The following STPG2 variants were observed in gnomAD, a reference collection of about 807,000 sequenced individuals.
STPG2 encodes the protein sperm-tail PG-rich repeat-containing protein 2.
A neutral mutation model predicts 54.2 loss-of-function variants in STPG2; 56 were observed. The ratio of observed to expected loss-of-function variants is 1.03; its 90% CI spans 0.83 to 1.29. The LOEUF is 1.29. Ranked by LOEUF, STPG2 falls within the 50% of genes most tolerant of loss-of-function variation. The pLI is 0.00. For synonymous variants in STPG2, 200 were observed against 181.8 expected (o/e 1.10, Z -0.81); for missense variants, 596 against 544.9 (o/e 1.09, Z -0.93).
chr4:98,107,339 G>C (rs1739216746), intron 4 of STPG2, among the ~76,000 whole-genome samples: 1 of 127,766 alleles, frequency 7.8e-6, no homozygotes, highest in Admixed American at 7.4e-5. Context: ...TCAACTGCCA[G>C]AAGGAACTGA....
chr4:98,077,213 G>A (rs950670901), intron 5 of STPG2, among the ~76,000 whole-genome samples: 15 of 138,442 alleles, frequency 1.1e-4, no homozygotes, highest in African/African-American at 2.5e-4. Context: ...GTTCTTTTGC[G>A]TCCTCAATAG....
At chr4:97,547,506 G>A (rs924984505) in intron 4 of STPG2, among the ~76,000 whole-genome samples, 9 of 152,074 alleles carry the variant, frequency 5.9e-5, no homozygotes, top group East Asian at 1.9e-4. Flanking sequence ...CACCGCGCCC[G>A]GCCTTTTAAA....
chr4:97,757,080 C>T (rs1725753090), intron 9 of STPG2, among the ~76,000 whole-genome samples: 1 of 152,098 alleles, frequency 6.6e-6, no homozygotes, highest in South Asian at 2.1e-4. Flanking sequence ...GCAGTAAAAA[C>T]ACCAGATGAA....
chr4:97,831,378 T>C (rs1214115078), intron 9 of STPG2, among the ~76,000 whole-genome samples: 1 of 152,044 alleles, frequency 6.6e-6, no homozygotes, highest in Non-Finnish European at 1.5e-5. Flanking sequence ...AAGCAGTGTG[T>C]AGAGAAAAAT....
chr4:97,565,108 T>C (rs939695859), intron 10 of STPG2, among the ~76,000 whole-genome samples: 5 of 152,176 alleles, frequency 3.3e-5, no homozygotes, highest in African/African-American at 1.2e-4. Context: ...CATAGTCCCA[T>C]ATTTCTTGGA....
chr4:98,006,725 T>C (rs138916453), intron 5 of STPG2, among the ~76,000 whole-genome samples: 3 of 152,280 alleles, frequency 2.0e-5, no homozygotes, highest in Non-Finnish European at 4.4e-5. Context: ...GGTAGCAAGA[T>C]TTGAGGCCAA....
chr4:97,505,837 A>G (rs1730831624), intron 4 of STPG2, among the ~76,000 whole-genome samples: 1 of 151,716 alleles, frequency 6.6e-6, no homozygotes. Context: ...TAGTGGATGT[A>G]TTAGTGGCTT....
At chr4:97,890,315 C>G (rs1016150401) in intron 8 of STPG2, among the ~76,000 whole-genome samples, 8 of 151,992 alleles carry the variant, frequency 5.3e-5, no homozygotes, top group Non-Finnish European at 8.8e-5. Context: ...CAAAATACAG[C>G]ATTACCACTC....
chr4:97,776,566 G>A (rs1187441788), intron 9 of STPG2, among the ~76,000 whole-genome samples: 1 of 152,134 alleles, frequency 6.6e-6, no homozygotes, highest in East Asian at 1.9e-4. Flanking sequence ...AATGGATTAG[G>A]GAGAACAGTA....
chr4:97,469,856 T>C (rs1243212988), intron 4 of STPG2, among the ~76,000 whole-genome samples: 7 of 151,756 alleles, frequency 4.6e-5, no homozygotes. Context: ...CAAAAAAAGG[T>C]TGTGTTTTAT....
At chr4:97,561,816 C>T (rs1018648725) in intron 10 of STPG2, among the ~76,000 whole-genome samples, 3 of 152,090 alleles carry the variant, frequency 2.0e-5, no homozygotes, top group Non-Finnish European at 2.9e-5. Flanking sequence ...GTTTTGGTAC[C>T]AGTACCATGC....
intron 8 of STPG2, among the ~76,000 whole-genome samples, chr4:97,923,991 C>A (rs1732233939): frequency 6.6e-6 from 1 of 152,156 alleles, no homozygotes; most frequent in South Asian, 2.1e-4. Flanking sequence ...GCAGTGGCAA[C>A]CCACTTGGGT....
intron 7 of STPG2, among the ~76,000 whole-genome samples, chr4:97,945,343 G>C (rs1044010409): frequency 6.6e-6 from 1 of 152,068 alleles, no homozygotes; most frequent in Non-Finnish European, 1.5e-5. Flanking sequence ...AGTTCACTTA[G>C]AATAATGGCC....
intron 9 of STPG2, among the ~76,000 whole-genome samples, chr4:97,828,495 T>C (rs78017271): frequency 2.7e-5 from 4 of 148,238 alleles, no homozygotes; most frequent in South Asian, 2.1e-4. Flanking sequence ...CTGCGGGAGA[T>C]TTTTTTTTTT....
chr4:97,578,709 G>A (rs1732786899), intron 10 of STPG2, among the ~76,000 whole-genome samples: 1 of 151,474 alleles, frequency 6.6e-6, no homozygotes, highest in Admixed American at 6.6e-5. Context: ...CAATTTCCCT[G>A]CAATTTTCAA....
chr4:97,928,182 G>A (rs1732404255), intron 8 of STPG2, among the ~76,000 whole-genome samples: 1 of 152,100 alleles, frequency 6.6e-6, no homozygotes, highest in Non-Finnish European at 1.5e-5. Context: ...GTTTCCATCT[G>A]AGAGGCCCTC....
intron 4 of STPG2, among the ~76,000 whole-genome samples, chr4:97,552,803 T>G (rs1485051797): frequency 1.3e-5 from 2 of 152,144 alleles, no homozygotes; most frequent in Non-Finnish European, 2.9e-5. Context: ...CAAGAACACT[T>G]TTTTCAAGTT....
At chr4:97,572,449 CAT>C (rs1314010147) in intron 10 of STPG2, among the ~76,000 whole-genome samples, 1 of 152,104 alleles carries the variant, frequency 6.6e-6, no homozygotes, top group Admixed American at 6.6e-5. Flanking sequence ...TTGAACATCT[CAT>C]ATAAGAACAG....
intron 3 of STPG2, among the ~76,000 whole-genome samples, chr4:98,113,224 A>T (rs1207007978): frequency 6.6e-6 from 1 of 152,080 alleles, no homozygotes; most frequent in Non-Finnish European, 1.5e-5. Flanking sequence ...ATATGGCAAG[A>T]GACTGAAGTG....
Sources: gnomAD v4.1 joint callset for allele counts (sites outside exome capture counted in the v4.1 genomes callset) on GRCh38, gnomAD v4.1.1 for gene constraint, MANE v1.5 for transcripts, NCBI Gene and HGNC (gene_info 2026-07-23, HGNC 2026-07-21) for gene names.